Variants in JARID2 observed in about 807,000 individuals in gnomAD.
JARID2 encodes protein Jumonji.
Under a neutral mutation model 125.6 loss-of-function variants are expected in JARID2, and 21 were observed. The observed-to-expected ratio is 0.17, with a 90% CI of 0.12 to 0.24. JARID2 has a LOEUF of 0.24. JARID2 is among the 10% of genes least tolerant of loss of function. The pLI is 1.00. For synonymous variants in JARID2, 736 were observed against 661.6 expected (o/e 1.11, Z -1.73); for missense variants, 1,303 against 1,639.6 (o/e 0.79, Z 3.55).
intron 1 of JARID2, among the ~76,000 whole-genome samples, chr6:15,300,741 GAGAGAGAGAC>G (rs1761592284): frequency 6.7e-6 from 1 of 148,370 alleles, no homozygotes; most frequent in African/African-American, 2.6e-5. Flanking sequence ...GAGAGAGAGA[GAGAGAGAGAC>G]AGAGAGGAGG....
intron 1 of JARID2, among the ~76,000 whole-genome samples, chr6:15,324,752 G>T (rs1762480939): frequency 6.6e-6 from 1 of 150,914 alleles, no homozygotes; most frequent in African/African-American, 2.4e-5. Flanking sequence ...GCCTCTCACA[G>T]TGCTGGGATT....
At chr6:15,485,250 CT>C (rs1401029618) in intron 5 of JARID2, among the ~76,000 whole-genome samples, 1 of 152,142 alleles carries the variant, frequency 6.6e-6, no homozygotes, top group East Asian at 1.9e-4. Flanking sequence ...GAGATAAAGG[CT>C]CACAACCGAT....
At chr6:15,406,482 G>C (rs575103212) in intron 2 of JARID2, among the ~76,000 whole-genome samples, 1 of 152,294 alleles carries the variant, frequency 6.6e-6, no homozygotes, top group African/African-American at 2.4e-5. Flanking sequence ...TATAAAGGCA[G>C]TTCCTTATGT....
At chr6:15,475,905 C>G (rs1769319364) in intron 5 of JARID2, among the ~76,000 whole-genome samples, 1 of 152,116 alleles carries the variant, frequency 6.6e-6, no homozygotes, top group Non-Finnish European at 1.5e-5. Context: ...GCAGGGAGAA[C>G]CTGGGTGAGG....
chr6:15,344,104 ATTTTTTTTTTTTTTTT>A (rs58867061), intron 1 of JARID2, among the ~76,000 whole-genome samples: 2 of 89,166 alleles, frequency 2.2e-5, no homozygotes, highest in Admixed American at 1.5e-4. Flanking sequence ...GTATGTAGTG[ATTTTTTTTTTTTTTTT>A]TTTTTTTTTT....
intron 5 of JARID2, among the ~76,000 whole-genome samples, chr6:15,469,397 C>T (rs1302025482): frequency 1.0e-5 from 1 of 95,412 alleles, no homozygotes; most frequent in Non-Finnish European, 2.1e-5. Context: ...TCCCCCTTTC[C>T]CCCTCTCCCC....
Position 15,517,891 on chromosome 6 carries a change from G to A in JARID2, c.3558+623G>A, listed in dbSNP as rs114799137. Among the ~76,000 whole-genome samples the A allele has an allele frequency of 5.2e-3, 786 of 152,338 alleles. 8 individuals carry two copies. The highest frequency in any genetic ancestry group is 0.018 in the African/African-American group (752 of 41,580). On this transcript the variant is annotated intron_variant, in intron 17 of 17. Coordinates refer to ENST00000341776, the MANE Select transcript of JARID2 (RefSeq NM_004973.4). ...CACAGACTCTGATGAGGCTGGTTAC[G>A]AGGAAGGTCGCCACATTGTGGTCAT...
intron 1 of JARID2, among the ~76,000 whole-genome samples, chr6:15,345,859 T>G (rs1454586465): frequency 6.6e-6 from 1 of 152,210 alleles, no homozygotes; most frequent in Non-Finnish European, 1.5e-5. Context: ...AGGCTCACAC[T>G]GATGAAGCCT....
intron 1 of JARID2, among the ~76,000 whole-genome samples, chr6:15,358,179 C>G (rs1032477440): frequency 1.4e-4 from 21 of 152,100 alleles, no homozygotes; most frequent in African/African-American, 4.8e-4. Flanking sequence ...CCCCAACTAG[C>G]TTTAAAAAAT....
chr6:15,510,397 G>C (rs1425046952), intron 12 of JARID2, among the ~76,000 whole-genome samples: 2 of 152,194 alleles, frequency 1.3e-5, no homozygotes, highest in African/African-American at 2.4e-5. Flanking sequence ...CACACGTTGT[G>C]AGTGGAAGTG....
In JARID2 at chr6:15,384,932, T is replaced by C. The variant is rs534692198; in HGVS notation, c.181+10680T>C. Reference sequence around the variant, plus strand: ...GATTCTGAACTTGTACTACTGCTCCTGTTCCACGTTGTCATACTTTCTAGC... The same window carrying C: ...GATTCTGAACTTGTACTACTGCTCCCGTTCCACGTTGTCATACTTTCTAGC... On this transcript the variant is annotated intron_variant, in intron 2 of 17. Coordinates refer to ENST00000341776, the MANE Select transcript of JARID2 (RefSeq NM_004973.4). 7.2e-5 allele frequency among the ~76,000 whole-genome samples: 11 copies of C among 152,370 alleles called. No individual in the cohort carries two copies. In the South Asian group the frequency reaches 1.9e-3, roughly 26 times the overall value.
chr6:15,370,893 T>C (rs184968672), intron 1 of JARID2, among the ~76,000 whole-genome samples: 2 of 152,334 alleles, frequency 1.3e-5, no homozygotes, highest in East Asian at 1.9e-4. Flanking sequence ...TTTGGAATTA[T>C]TACCTACTGG....
intron 1 of JARID2, among the ~76,000 whole-genome samples, chr6:15,343,170 A>G (rs1005975485): frequency 7.6e-5 from 11 of 144,872 alleles, no homozygotes; most frequent in African/African-American, 2.8e-4. Context: ...TGGAGGTTGC[A>G]GTGAGCCGAG....
chr6:15,324,924 A>C (rs1005467633), intron 1 of JARID2, among the ~76,000 whole-genome samples: 2 of 151,778 alleles, frequency 1.3e-5, no homozygotes, highest in Non-Finnish European at 2.9e-5. Context: ...GCCCTTTGTC[A>C]AAGAATTTCA....
intron 1 of JARID2, among the ~76,000 whole-genome samples, chr6:15,283,819 C>T (rs973384893): frequency 1.3e-5 from 2 of 151,632 alleles, no homozygotes; most frequent in Non-Finnish European, 2.9e-5. Context: ...CATTCTCCTG[C>T]CTCAGCTTCC....
intron 5 of JARID2, among the ~76,000 whole-genome samples, chr6:15,469,356 T>TCCC (rs1561884701): frequency 7.7e-4 from 5 of 6,502 alleles, no homozygotes; most frequent in Non-Finnish European, 1.1e-3. Flanking sequence ...TCTCTCTCTC[T>TCCC]CTCTCCTCCC....
intron 1 of JARID2, among the ~76,000 whole-genome samples, chr6:15,357,244 A>G (rs1763635183): frequency 6.6e-6 from 1 of 152,258 alleles, no homozygotes; most frequent in African/African-American, 2.4e-5. Context: ...AAGTGCAGCC[A>G]TAAGCATACA....
chr6:15,496,425 T>G lies in JARID2; in HGVS notation c.1200T>G (p.Thr400=), dbSNP rs1230303669. The G allele has an allele frequency of 1.9e-6, 3 of 1,613,398 alleles. No homozygotes were observed. The change falls in exon 7 of 18, where the codon ACT becomes ACG. Residue 400 remains threonine (T), a synonymous_variant. Coordinates refer to ENST00000341776, the MANE Select transcript of JARID2 (RefSeq NM_004973.4). ...VLSLGGASKS[T]GPAVNGLKVS... is the part of the protein sequence containing the mutation. ...CCCTCGGGGGGGCGTCCAAGTCCAC[T>G]GGGCCCGCCGTCAATGGCCTCAAGG...
At chr6:15,459,980 C>T (rs1411923495) in intron 4 of JARID2, among the ~76,000 whole-genome samples, 2 of 152,118 alleles carry the variant, frequency 1.3e-5, no homozygotes, top group African/African-American at 2.4e-5. Flanking sequence ...TGGTACACAA[C>T]TTTTTTTGAG....
Sources: allele counts gnomAD v4.1 joint callset (sites outside exome capture counted in the v4.1 genomes callset), GRCh38; gene constraint gnomAD v4.1.1; transcripts MANE v1.5; gene names NCBI Gene and HGNC (gene_info 2026-07-23, HGNC 2026-07-21).